Variants in DLG2 observed in about 807,000 individuals in gnomAD.
DLG2 encodes the protein discs large MAGUK scaffold protein 2, also known as disks large homolog 2.
A neutral mutation model predicts 132.5 loss-of-function variants in DLG2; 45 were observed. That is an observed-to-expected ratio of 0.34 (90% CI 0.27 to 0.44). The LOEUF (loss-of-function observed/expected upper bound fraction) is 0.44. DLG2 is among the 20% of genes least tolerant of loss of function. The probability of loss-of-function intolerance (pLI) is 1.00; values close to 1 mark genes in which losing one functional copy is unlikely to be tolerated. For synonymous variants in DLG2, 424 were observed against 419.6 expected, an observed-to-expected ratio of 1.01 and a Z score of -0.13; for missense variants, 1,045 against 1,196.9, an observed-to-expected ratio of 0.87 and a Z score of 1.87.
At chr11:84,963,927 G>A (rs1043119335) in intron 6 of DLG2, among the ~76,000 whole-genome samples, 1 of 152,036 alleles carries the variant, frequency 6.6e-6, no homozygotes, top group African/African-American at 2.4e-5. Flanking sequence ...GTAAAGTAAT[G>A]GAAACTTTTA....
chr11:83,926,288 G>C (rs1241298707), intron 15 of DLG2, among the ~76,000 whole-genome samples: 1 of 152,108 alleles, frequency 6.6e-6, no homozygotes, highest in African/African-American at 2.4e-5. Flanking sequence ...TGTGGATTAG[G>C]AATTAAACTG....
chr11:84,430,661 C>T (rs2098981841), intron 7 of DLG2, among the ~76,000 whole-genome samples: 2 of 152,164 alleles, frequency 1.3e-5, no homozygotes, highest in Admixed American at 1.3e-4. Flanking sequence ...TTCACTTTGG[C>T]CATTTCTCTG....
At chr11:84,623,764 C>G (rs920248916) in intron 6 of DLG2, among the ~76,000 whole-genome samples, 2 of 152,172 alleles carry the variant, frequency 1.3e-5, no homozygotes, top group Non-Finnish European at 2.9e-5. Flanking sequence ...TGATTCCAAT[C>G]TAAAATAGAC....
chr11:84,856,770 C>T (rs2082840701), intron 6 of DLG2, among the ~76,000 whole-genome samples: 1 of 152,056 alleles, frequency 6.6e-6, no homozygotes, highest in Non-Finnish European at 1.5e-5. Flanking sequence ...ACTTTCAAGG[C>T]TCTGCCTCTC....
At chr11:84,578,056 T>C (rs2099506955) in intron 6 of DLG2, among the ~76,000 whole-genome samples, 1 of 152,142 alleles carries the variant, frequency 6.6e-6, no homozygotes, top group Admixed American at 6.5e-5. Flanking sequence ...CATGTGGTGT[T>C]GAGCCTGTGG....
chr11:84,361,629 A>G (rs2098650286), intron 7 of DLG2, among the ~76,000 whole-genome samples: 1 of 152,012 alleles, frequency 6.6e-6, no homozygotes, highest in Admixed American at 6.6e-5. Context: ...CAACAAAGAA[A>G]TGAAGAACAT....
At chr11:84,504,802 G>T (rs1057066594) in intron 7 of DLG2, among the ~76,000 whole-genome samples, 1 of 142,158 alleles carries the variant, frequency 7.0e-6, no homozygotes, top group African/African-American at 2.7e-5. Context: ...TCAATGTGTT[G>T]ACTCCATGTT....
chr11:84,530,219 C>T (rs1037385000), intron 7 of DLG2, among the ~76,000 whole-genome samples: 5 of 152,138 alleles, frequency 3.3e-5, no homozygotes, highest in African/African-American at 9.7e-5. Context: ...AAATACTATT[C>T]TGGAAAGAAC....
chr11:85,501,981 TG>T (rs2093815020), intron 3 of DLG2, among the ~76,000 whole-genome samples: 1 of 152,100 alleles, frequency 6.6e-6, no homozygotes, highest in South Asian at 2.1e-4. Flanking sequence ...ATGTTTATTG[TG>T]GCATTATTCA....
At chr11:84,011,190 G>T (rs1020234153) in intron 11 of DLG2, among the ~76,000 whole-genome samples, 3 of 152,076 alleles carry the variant, frequency 2.0e-5, no homozygotes, top group Admixed American at 6.6e-5. Context: ...AGACAGCTTG[G>T]CTGGGCATGG....
intron 18 of DLG2, among the ~76,000 whole-genome samples, chr11:83,668,883 A>ATACTAT (rs2076341547): frequency 1.4e-5 from 2 of 145,630 alleles, no homozygotes; most frequent in African/African-American, 5.2e-5. Context: ...TTTTTATGAT[A>ATACTAT]GACTATGAGC....
intron 7 of DLG2, among the ~76,000 whole-genome samples, chr11:84,459,489 T>G (rs909000217): frequency 3.3e-5 from 5 of 150,752 alleles, no homozygotes; most frequent in African/African-American, 1.2e-4. Context: ...TTTAGGTGTA[T>G]GTACTTATGG....
intron 19 of DLG2, among the ~76,000 whole-genome samples, chr11:83,569,548 A>G (rs1289970958): frequency 6.6e-6 from 1 of 152,308 alleles, no homozygotes; most frequent in East Asian, 1.9e-4. Flanking sequence ...TAGGTTATAC[A>G]AAAGCCTCTG....
chr11:83,518,705 G>A (rs2095381292), intron 21 of DLG2, among the ~76,000 whole-genome samples: 1 of 152,118 alleles, frequency 6.6e-6, no homozygotes, highest in Admixed American at 6.5e-5. Flanking sequence ...ATATCCCAAA[G>A]AAGCAGAGCT....
At chr11:84,835,562 C>T (rs1409225039) in intron 6 of DLG2, among the ~76,000 whole-genome samples, 1 of 151,712 alleles carries the variant, frequency 6.6e-6, no homozygotes, top group Non-Finnish European at 1.5e-5. Context: ...AGTGATTTGT[C>T]TTAGTACATA....
chr11:83,476,456 C>G (rs544147919), intron 22 of DLG2, among the ~76,000 whole-genome samples: 1 of 152,146 alleles, frequency 6.6e-6, no homozygotes, highest in Non-Finnish European at 1.5e-5. Flanking sequence ...TCAAGCTACT[C>G]ATTTTACATA....
At chr11:85,200,080 T>C (rs1213860023) in intron 4 of DLG2, among the ~76,000 whole-genome samples, 2 of 152,072 alleles carry the variant, frequency 1.3e-5, no homozygotes, top group African/African-American at 4.8e-5. Flanking sequence ...TCTGCAGAAG[T>C]CTTGTGAATT....
intron 21 of DLG2, among the ~76,000 whole-genome samples, chr11:83,484,912 A>G (rs2093407924): frequency 6.6e-6 from 1 of 152,126 alleles, no homozygotes; most frequent in Non-Finnish European, 1.5e-5. Context: ...AATAATTAAC[A>G]ATAATTTAGC....
At chr11:83,661,730 C>T (rs143463814) in intron 18 of DLG2, among the ~76,000 whole-genome samples, 2 of 151,400 alleles carry the variant, frequency 1.3e-5, no homozygotes, top group African/African-American at 4.8e-5. Context: ...CCCTGGACTC[C>T]AAAGGGCACT....
Sources: gnomAD v4.1 joint callset for allele counts (sites outside exome capture counted in the v4.1 genomes callset) on GRCh38, gnomAD v4.1.1 for gene constraint, MANE v1.5 for transcripts, NCBI Gene and HGNC (gene_info 2026-07-23, HGNC 2026-07-21) for gene names.